SNTG2: variants seen among roughly 807,000 people sequenced by gnomAD.
SNTG2 encodes syntrophin gamma 2, also known as gamma-2-syntrophin.
In SNTG2, 74 loss-of-function variants were observed where a neutral mutation model predicts 70.9. The observed-to-expected ratio is 1.04, with a 90% confidence interval of 0.86 to 1.27. SNTG2 has a LOEUF of 1.27. SNTG2 is among the 50% of genes most tolerant of loss of function. The pLI is 0.00. For synonymous variants in SNTG2, 278 were observed against 273.8 expected, an observed-to-expected ratio of 1.02 and a Z score of -0.15; for missense variants, 717 against 690.7, an observed-to-expected ratio of 1.04 and a Z score of -0.43.
At position 1,165,540 on chromosome 2, in the gene SNTG2, A is replaced by G; in HGVS notation, c.412-8A>G. ...TGGTAAAAGTAGCTATTTTTGTCATATTGACAGGTGCATCTGCTGAGAAAT... is the reference window on the plus strand; with the variant it reads ...TGGTAAAAGTAGCTATTTTTGTCATGTTGACAGGTGCATCTGCTGAGAAAT... On this transcript the variant is annotated splice_region_variant and splice_polypyrimidine_tract_variant and intron_variant, in intron 6 of 16. Coordinates refer to ENST00000308624, the MANE Select transcript of SNTG2 (RefSeq NM_018968.4). 6.2e-7 allele frequency: 1 copy of G among 1,610,518 alleles called. No homozygotes were observed. Among genetic ancestry groups the G allele is most frequent in the Non-Finnish European group, 8.5e-7 (1 of 1,178,700 alleles).
chr2:1,026,425 C>T (rs1448698790), intron 1 of SNTG2, among the ~76,000 whole-genome samples: 1 of 152,108 alleles, frequency 6.6e-6, no homozygotes, highest in Admixed American at 6.5e-5. Context: ...TTAGAGTTAC[C>T]AGTACAGGGA....
In SNTG2 at chr2:1,104,807, C is replaced by T. The variant is rs116005760; in HGVS notation, c.325+6397C>T. ...ATCCGGCTGTTTGCTGTGGTTTTCT[C>T]CCAGTATCTTTCCGTCCTCCCGTGG... On this transcript the variant is annotated intron_variant, in intron 4 of 16. Coordinates refer to ENST00000308624, the MANE Select transcript of SNTG2 (RefSeq NM_018968.4). Among the ~76,000 whole-genome samples the T allele has an allele frequency of 5.5e-3, 839 of 152,294 alleles. 7 individuals carry two copies. Among genetic ancestry groups the T allele is most frequent in the African/African-American group, 0.02 (815 of 41,552 alleles).
intron 1 of SNTG2, among the ~76,000 whole-genome samples, chr2:1,083,146 AT>A (rs1664445937): frequency 6.9e-6 from 1 of 144,858 alleles, no homozygotes; most frequent in African/African-American, 2.5e-5. Flanking sequence ...CTTAAAAACT[AT>A]CATTTTTATT....
chr2:1,272,463 T>TAAAAAAAAAAA (rs577563977), intron 14 of SNTG2, among the ~76,000 whole-genome samples: 4 of 51,894 alleles, frequency 7.7e-5, no homozygotes, highest in African/African-American at 3.8e-4. Context: ...CTGGTACTGG[T>TAAAAAAAAAAA]AAAAAAAAAA....
At chr2:1,314,803 A>G (rs374818420) in intron 15 of SNTG2, among the ~76,000 whole-genome samples, 17 of 152,226 alleles carry the variant, frequency 1.1e-4, no homozygotes, top group Non-Finnish European at 1.6e-4. Flanking sequence ...AGGCAAAGGA[A>G]GAGCAAAGGC....
At chr2:1,360,846 T>C (rs1460196655) in intron 16 of SNTG2, among the ~76,000 whole-genome samples, 1 of 152,220 alleles carries the variant, frequency 6.6e-6, no homozygotes, top group Non-Finnish European at 1.5e-5. Flanking sequence ...GAGCAGTGTC[T>C]GCTTGGCCTA....
chr2:1,166,159 C>A (rs748940685), intron 7 of SNTG2, among the ~76,000 whole-genome samples: 1 of 152,190 alleles, frequency 6.6e-6, no homozygotes, highest in Non-Finnish European at 1.5e-5. Flanking sequence ...GTAACTTTTA[C>A]TAATGTTATT....
At position 1,181,840 on chromosome 2, in the gene SNTG2, A is replaced by C. The variant is rs148330119; in HGVS notation, c.591+8657A>C. On this transcript the variant is annotated intron_variant, in intron 8 of 16. Transcript: ENST00000308624. ...ACCTGAGTATGGTTCACGTAGTTTA[A>C]GATTCTAAGTTCATTATTTATACTA... Among the ~76,000 whole-genome samples the C allele has an allele frequency of 2.0e-3, 297 of 152,298 alleles. 4 individuals carry two copies. Among genetic ancestry groups the C allele is most frequent in the African/African-American group, 6.8e-3 (282 of 41,572 alleles).
intron 9 of SNTG2, among the ~76,000 whole-genome samples, chr2:1,237,173 C>A (rs1256834170): frequency 6.6e-6 from 1 of 152,036 alleles, no homozygotes; most frequent in Non-Finnish European, 1.5e-5. Flanking sequence ...GAACTCCTGA[C>A]CTCAAGTGAT....
chr2:1,156,795 G>T (rs1669928319), intron 6 of SNTG2, among the ~76,000 whole-genome samples: 1 of 152,120 alleles, frequency 6.6e-6, no homozygotes, highest in Non-Finnish European at 1.5e-5. Flanking sequence ...CTGCGTGGGG[G>T]TAGGAAATGA....
intron 1 of SNTG2, among the ~76,000 whole-genome samples, chr2:973,859 G>GT (rs1478054308): frequency 6.6e-6 from 1 of 152,040 alleles, no homozygotes; most frequent in Non-Finnish European, 1.5e-5. Flanking sequence ...CATTCATTTA[G>GT]TTTTGTCTTT....
chr2:1,076,969 GT>G (rs1283606893), intron 1 of SNTG2, among the ~76,000 whole-genome samples: 2 of 152,010 alleles, frequency 1.3e-5, no homozygotes, highest in Non-Finnish European at 2.9e-5. Flanking sequence ...ATGTATGTAC[GT>G]ACGTAATTCT....
At chr2:1,141,794 G>A (rs1000559724) in intron 6 of SNTG2, among the ~76,000 whole-genome samples, 2 of 152,088 alleles carry the variant, frequency 1.3e-5, no homozygotes, top group African/African-American at 2.4e-5. Flanking sequence ...ACTCAGGGGA[G>A]TTAAAGAGCC....
chr2:1,179,044 G>A (rs1456421514), intron 8 of SNTG2, among the ~76,000 whole-genome samples: 1 of 152,174 alleles, frequency 6.6e-6, no homozygotes, highest in East Asian at 1.9e-4. Flanking sequence ...GGGTGTATGT[G>A]TCGAGGAATT....
chr2:997,762 T>C (rs1157498309), intron 1 of SNTG2, among the ~76,000 whole-genome samples: 1 of 152,240 alleles, frequency 6.6e-6, no homozygotes, highest in Admixed American at 6.5e-5. Flanking sequence ...GAGACCAGCC[T>C]GTTGCCTGAA....
intron 1 of SNTG2, among the ~76,000 whole-genome samples, chr2:1,076,756 A>G (rs1663943676): frequency 6.6e-6 from 1 of 152,250 alleles, no homozygotes; most frequent in African/African-American, 2.4e-5. Flanking sequence ...CTTAAATTTT[A>G]TGAAGGTAAA....
At chr2:1,235,067 C>T (rs142334017) in intron 9 of SNTG2, among the ~76,000 whole-genome samples, 16 of 152,358 alleles carry the variant, frequency 1.1e-4, no homozygotes, top group East Asian at 9.6e-4. Context: ...CGCCCTCACG[C>T]GCAACCAGGG....
chr2:1,222,332 C>G (rs1675300844), intron 9 of SNTG2, among the ~76,000 whole-genome samples: 1 of 152,242 alleles, frequency 6.6e-6, no homozygotes, highest in African/African-American at 2.4e-5. Flanking sequence ...TCTTCGTATC[C>G]AAGCAAGATA....
intron 8 of SNTG2, among the ~76,000 whole-genome samples, chr2:1,173,461 A>G (rs191852607): frequency 6.6e-6 from 1 of 152,252 alleles, no homozygotes; most frequent in African/African-American, 2.4e-5. Context: ...TCTGACTTAC[A>G]TATCACCGTG....
Sources: gnomAD v4.1 joint callset for allele counts (sites outside exome capture counted in the v4.1 genomes callset) on GRCh38, gnomAD v4.1.1 for gene constraint, MANE v1.5 for transcripts, NCBI Gene and HGNC (gene_info 2026-07-23, HGNC 2026-07-21) for gene names.